Variants in CD244 observed in about 807,000 individuals in gnomAD.
CD244 encodes CD244 molecule, also known as natural killer cell receptor 2B4.
Under a neutral mutation model 45.5 loss-of-function variants are expected in CD244, and 20 were observed. The observed-to-expected ratio is 0.44, with a 90% CI of 0.31 to 0.64. The LOEUF is 0.64. CD244 is among the 30% of genes least tolerant of loss of function. The pLI, the probability that CD244 is intolerant of heterozygous loss-of-function variation, is 0.08. For synonymous variants in CD244, 185 were observed against 160.5 expected (o/e 1.15, Z -1.15); for missense variants, 407 against 426.9 (o/e 0.95, Z 0.41).
In CD244 at chr1:160,855,875, C is replaced by A. The variant is rs756601815; in HGVS notation, c.61+6742G>T. Reference sequence around the variant, plus strand: ...CAAGTACAGAGGATGGTGAAGGAGACAATCTGATCCAGCAGTGAGTCCCGC... The same window carrying A: ...CAAGTACAGAGGATGGTGAAGGAGAAAATCTGATCCAGCAGTGAGTCCCGC... On this transcript the variant is annotated intron_variant, in intron 1 of 8. Transcript: ENST00000368034. Among the ~76,000 whole-genome samples the A allele has an allele frequency of 3.0e-4, 45 of 152,196 alleles. 1 individual carries two copies. The highest frequency in any genetic ancestry group is 7.4e-5 in the Non-Finnish European group (5 of 68,022).
rs1008766025 is a variant in CD244, at chr1:160,834,152, C to T, written c.895-36G>A. ...GAGAAATAAAATCATTTCAGAAGCA[C>T]AGATCCAGCACAATCTTACAAAGGT... is the stretch of plus-strand genomic sequence containing the variant. On this transcript the variant is annotated intron_variant, in intron 6 of 8. Coordinates refer to ENST00000368034, the MANE Select transcript of CD244 (RefSeq NM_016382.4). 5.7e-6 allele frequency: 8 copies of T among 1,405,570 alleles called. No individual in the cohort carries two copies. In the African/African-American group the frequency reaches 9.9e-5, roughly 17 times the overall value. 87.1% of individuals were successfully genotyped at this position (1,405,570 alleles called of 1,614,324 possible). A position where few individuals can be genotyped will look rare whatever the true frequency, so the allele number is the denominator to read the frequency against.
At chr1:160,844,447 A>C (rs773849670) in intron 1 of CD244, among the ~76,000 whole-genome samples, 1 of 152,208 alleles carries the variant, frequency 6.6e-6, no homozygotes, top group Non-Finnish European at 1.5e-5. Context: ...TTCTGTTATC[A>C]AGAAATGGGG....
rs563285707 is a variant in CD244 at position 160,852,167 on chromosome 1, A to G, written c.62-10266T>C. 8.5e-5 allele frequency among the ~76,000 whole-genome samples: 13 copies of G among 152,372 alleles called. No individual in the cohort carries two copies. In the East Asian group the frequency reaches 1.5e-3, roughly 18 times the overall value. ...GGCACTTTAGGAAAGAGAATATCCA[A>G]TAGCCAATAGGCATGCATAAGGGTG... On this transcript the variant is annotated intron_variant, in intron 1 of 8. Coordinates refer to ENST00000368034, the MANE Select transcript of CD244 (RefSeq NM_016382.4).
chr1:160,860,527 A>G (rs4656941), intron 1 of CD244, among the ~76,000 whole-genome samples: 38,792 of 152,134 alleles, frequency 0.25, 5,498 homozygotes, highest in East Asian at 0.4. Flanking sequence ...TTAATGTTAA[A>G]TTTACTGAAT....
rs773578379 is a variant in CD244, at chr1:160,838,514, G to A, written c.771C>T (p.Thr257=). The stretch of plus-strand genomic sequence containing the variant: ...AAATTGTCAAAAATTCCTTGGGACT[G>A]GTCTCTGAGGGAGGAAGAAAACAAA... ...RRKRKEKQSE[T]SPKEFLTIYE... Residue 257 remains threonine, a synonymous_variant, in exon 5 of 9, where the codon ACC becomes ACT. Coordinates refer to ENST00000368034, the MANE Select transcript of CD244 (RefSeq NM_016382.4). The A allele has an allele frequency of 5.0e-6, 8 of 1,610,682 alleles. No homozygotes were observed. The highest frequency in any genetic ancestry group is 6.8e-6 in the Non-Finnish European group (8 of 1,177,016).
chr1:160,852,491 G>A (rs1237396192), intron 1 of CD244, among the ~76,000 whole-genome samples: 3 of 152,214 alleles, frequency 2.0e-5, no homozygotes, highest in Non-Finnish European at 4.4e-5. Context: ...AGAGGTTGCA[G>A]TGAGCCAAGA....
Position 160,841,392 on chromosome 1 carries a change from C to A in CD244, c.473G>T (p.Gly158Val). ...VALSCLVSRD[G>V]NVSYAWYRGS... is the part of the protein sequence containing the mutation. ...TCTGTACCAAGCATAGGACACATTG[C>A]CATCCCTGGAGACCAAGCAAGACAG... The change falls in exon 3 of 9, where the codon GGC (glycine) becomes GTC (valine). Residue 158 changes from glycine to valine, a missense_variant. Physicochemically the swap from Gly to Val is moderately radical, Grantham distance 109. Coordinates refer to ENST00000368034, the MANE Select transcript of CD244 (RefSeq NM_016382.4). The A allele has an allele frequency of 6.2e-6, 10 of 1,614,188 alleles. No individual in the cohort carries two copies. The highest frequency in any genetic ancestry group is 8.5e-6 in the Non-Finnish European group (10 of 1,180,034).
At chr1:160,847,445 G>T (rs1172060368) in intron 1 of CD244, among the ~76,000 whole-genome samples, 1 of 152,084 alleles carries the variant, frequency 6.6e-6, no homozygotes, top group Non-Finnish European at 1.5e-5. Flanking sequence ...ATTATCATAT[G>T]CTGTGCATTA....
In CD244 at chr1:160,862,530, G is replaced by A. The variant is rs111441510; in HGVS notation, c.61+87C>T. 1.0e-3 allele frequency: 1,224 copies of A among 1,183,038 alleles called. 12 individuals carry two copies. In the Middle Eastern group the frequency reaches 0.019, roughly 18 times the overall value. The allele number at this position is 1,183,038 out of a possible 1,614,324, so 73.3% of individuals were successfully genotyped here. A position where few individuals can be genotyped will look rare whatever the true frequency, so the allele number is the denominator to read the frequency against. On this transcript the variant is annotated intron_variant, in intron 1 of 8. Transcript: ENST00000368034. ...CAAGTTCCAGATGACTGTGTATGTGGCACAAGCAGAGGCTCTGGCTCTGAT... is the reference window on the plus strand; with the variant it reads ...CAAGTTCCAGATGACTGTGTATGTGACACAAGCAGAGGCTCTGGCTCTGAT...
rs536881598 is a variant in CD244, at chr1:160,831,041, G to A, written c.*306C>T. ...TTGAAAATCAGGTGGAGGGAATCTC[G>A]ATGCTAATAACATCACTTACATAAC... On this transcript the variant is annotated 3_prime_UTR_variant, in exon 9 of 9. Transcript: ENST00000368034. 2.0e-4 allele frequency: 44 copies of A among 223,396 alleles called. No individual in the cohort carries two copies. Among genetic ancestry groups the A allele is most frequent in the African/African-American group, 5.0e-4 (22 of 44,058 alleles). The allele number at this position is 223,396 out of a possible 1,614,324, so 13.8% of individuals were successfully genotyped here. A position where few individuals can be genotyped will look rare whatever the true frequency, so the allele number is the denominator to read the frequency against.
At position 160,835,748 on chromosome 1, in the gene CD244, T is replaced by C. The variant is rs150170058; in HGVS notation, c.894+447A>G. The stretch of plus-strand genomic sequence containing the variant: ...CTGTCTCTAAACAATAAAATTGTTT[T>C]AAAAGAAAAGAAAATGGACATTATT... On this transcript the variant is annotated intron_variant, in intron 6 of 8. Coordinates refer to ENST00000368034, the MANE Select transcript of CD244 (RefSeq NM_016382.4). Among the ~76,000 whole-genome samples the C allele has an allele frequency of 8.2e-4, 125 of 152,278 alleles. 1 individual carries two copies. Among genetic ancestry groups the C allele is most frequent in the African/African-American group, 2.9e-3 (121 of 41,566 alleles).
At chr1:160,854,661 T>C (rs964419242) in intron 1 of CD244, among the ~76,000 whole-genome samples, 10 of 152,240 alleles carry the variant, frequency 6.6e-5, no homozygotes, top group African/African-American at 2.4e-4. Flanking sequence ...CCCAAAGTTC[T>C]GGCGTGAGCC....
At position 160,841,248 on chromosome 1, in the gene CD244, G is replaced by T. The variant is rs773155812; in HGVS notation, c.617C>A (p.Thr206Asn). 2.5e-6 allele frequency: 4 copies of T among 1,614,210 alleles called. No homozygotes were observed. In the South Asian group the frequency reaches 3.3e-5, roughly 13 times the overall value. ...VSNPVSWESH[T>N]LNLTQDCQNA... Reference sequence around the variant, plus strand: ...CTGACAGTCCTGAGTGAGATTCAGGGTGTGGCTTTCCCAGCTAACAGGATT... The same window carrying T: ...CTGACAGTCCTGAGTGAGATTCAGGTTGTGGCTTTCCCAGCTAACAGGATT... Residue 206 changes from threonine to asparagine, a missense_variant, in exon 3 of 9, where the codon ACC becomes AAC. Coordinates refer to ENST00000368034, the MANE Select transcript of CD244 (RefSeq NM_016382.4).
intron 1 of CD244, among the ~76,000 whole-genome samples, chr1:160,846,288 G>T (rs1361477773): frequency 1.1e-4 from 17 of 152,160 alleles, no homozygotes; most frequent in Admixed American, 1.1e-3. Flanking sequence ...CCACGTATCA[G>T]TGAGAACATA....
intron 1 of CD244, among the ~76,000 whole-genome samples, chr1:160,843,461 A>G (rs949928386): frequency 2.0e-5 from 3 of 152,202 alleles, no homozygotes; most frequent in African/African-American, 7.2e-5. Context: ...TTCATCAATT[A>G]TTCAGTCCTT....
chr1:160,845,253 A>G (rs1005349691), intron 1 of CD244, among the ~76,000 whole-genome samples: 3 of 152,224 alleles, frequency 2.0e-5, no homozygotes, highest in African/African-American at 7.2e-5. Flanking sequence ...ACTGTAAAAC[A>G]AACTCAATTG....
intron 3 of CD244, among the ~76,000 whole-genome samples, chr1:160,839,761 A>T (rs1417534714): frequency 6.6e-6 from 1 of 152,188 alleles, no homozygotes; most frequent in Admixed American, 6.5e-5. Flanking sequence ...CGTCATGGAT[A>T]CTGAGGGACA....
At chr1:160,832,870 G>GTATA (rs1553194340) in intron 7 of CD244, among the ~76,000 whole-genome samples, 10,022 of 117,698 alleles carry the variant, frequency 0.085, 851 homozygotes, top group African/African-American at 0.21. Flanking sequence ...GTGTGTGTGT[G>GTATA]TATATATATA....
intron 7 of CD244, among the ~76,000 whole-genome samples, chr1:160,832,986 C>A (rs576943580): frequency 6.8e-6 from 1 of 148,126 alleles, no homozygotes; most frequent in East Asian, 2.0e-4. Flanking sequence ...CACATACACA[C>A]ATATCCCTCA....
Sources: allele counts gnomAD v4.1 joint callset (sites outside exome capture counted in the v4.1 genomes callset), GRCh38; gene constraint gnomAD v4.1.1; transcripts MANE v1.5; gene names NCBI Gene and HGNC (gene_info 2026-07-23, HGNC 2026-07-21).